The following XPO7 variants were observed in gnomAD, a reference collection of about 807,000 sequenced individuals.
XPO7 encodes the protein exportin-7.
XPO7 carries 21 observed loss-of-function variants against 144.3 expected under a neutral mutation model. The observed-to-expected ratio is 0.15, with a 90% CI of 0.10 to 0.21. XPO7 has a LOEUF of 0.21. Among genes scored for constraint, XPO7 ranks in the 10% least tolerant of loss-of-function variants. The pLI is 1.00. For synonymous variants in XPO7, 580 were observed against 499.6 expected, an observed-to-expected ratio of 1.16 and a Z score of -2.15; for missense variants, 808 against 1,325.8, an observed-to-expected ratio of 0.61 and a Z score of 6.06.
chr8:22,003,844 G>C (rs1813234801), intron 26 of XPO7, 59 bp from the exon 27 acceptor site: 18 of 1,606,252 alleles, frequency 1.1e-5, no homozygotes, highest in Non-Finnish European at 1.4e-5. Flanking sequence ...GCAGATGACG[G>C]AGGGCTAATC....
intron 1 of XPO7, among the ~76,000 whole-genome samples, chr8:21,934,066 T>C (rs1226206092): frequency 6.6e-6 from 1 of 152,222 alleles, no homozygotes; most frequent in Non-Finnish European, 1.5e-5. Flanking sequence ...GGGCAAATAC[T>C]GTGCTACATA....
intron 16 of XPO7, among the ~76,000 whole-genome samples, chr8:21,989,439 G>A (rs1812687389): frequency 2.0e-5 from 3 of 152,146 alleles, no homozygotes. Flanking sequence ...CAGCTGGTTG[G>A]TAGAAACATC....
At chr8:21,937,515 A>T (rs1386297969) in intron 1 of XPO7, among the ~76,000 whole-genome samples, 1 of 152,174 alleles carries the variant, frequency 6.6e-6, no homozygotes, top group Non-Finnish European at 1.5e-5. Flanking sequence ...GAAGTAGCTC[A>T]TGGCTGTTTC....
chr8:21,949,368 A>G (rs1291494496), intron 1 of XPO7, among the ~76,000 whole-genome samples: 3 of 152,172 alleles, frequency 2.0e-5, no homozygotes, highest in Non-Finnish European at 2.9e-5. Context: ...AGTTGCCCAT[A>G]TAGCTGCCCT....
At chr8:21,940,119 A>G (rs1810943900) in intron 1 of XPO7, among the ~76,000 whole-genome samples, 1 of 152,200 alleles carries the variant, frequency 6.6e-6, no homozygotes, top group African/African-American at 2.4e-5. Flanking sequence ...TTTGGCAGAG[A>G]GATTGATCAA....
chr8:21,932,507 C>G (rs1026458842), intron 1 of XPO7, among the ~76,000 whole-genome samples: 1 of 152,224 alleles, frequency 6.6e-6, no homozygotes, highest in South Asian at 2.1e-4. Flanking sequence ...ATCTTTCTTC[C>G]CTTTAATGTT....
chr8:21,933,343 G>T (rs1810718086), intron 1 of XPO7, among the ~76,000 whole-genome samples: 1 of 151,984 alleles, frequency 6.6e-6, no homozygotes, highest in African/African-American at 2.4e-5. Context: ...CTCGTGATCT[G>T]CCTGCCTCGG....
At chr8:21,933,050 T>G (rs1810705275) in intron 1 of XPO7, among the ~76,000 whole-genome samples, 2 of 152,148 alleles carry the variant, frequency 1.3e-5, no homozygotes, top group South Asian at 2.1e-4. Context: ...TATATCACAT[T>G]CTAAGGTTTT....
intron 10 of XPO7, 68 bp from the exon 11 acceptor site, chr8:21,982,572 G>C: frequency 6.8e-7 from 1 of 1,479,434 alleles, no homozygotes; most frequent in South Asian, 1.4e-5. Context: ...TATCTTCTGT[G>C]TCAGTGGCAT....
intron 1 of XPO7, among the ~76,000 whole-genome samples, chr8:21,951,259 G>C (rs570915159): frequency 6.6e-6 from 1 of 151,868 alleles, no homozygotes; most frequent in South Asian, 2.1e-4. Flanking sequence ...CTTTGGTTAA[G>C]TACGTCTTTT....
chr8:21,985,628 G>C lies in XPO7; in HGVS notation c.1514G>C (p.Gly505Ala). 1.2e-6 allele frequency: 2 copies of C among 1,613,916 alleles called. No individual in the cohort carries two copies. The highest frequency in any genetic ancestry group is 1.7e-6 in the Non-Finnish European group (2 of 1,179,894). The change falls in exon 13 of 28, where the codon GGT becomes GCT. Residue 505 changes from glycine (G) to alanine (A), a missense_variant. Coordinates refer to ENST00000252512, the MANE Select transcript of XPO7 (RefSeq NM_015024.5). The part of the protein sequence containing the change: ...WLVYIIGAVI[G>A]GRVSFASTDE... ...GTTTACATTATTGGAGCAGTGATCG[G>C]TGGCCGGGTTTCTTTTGCCAGCACT...
chr8:21,996,036 C>T (rs1008618678), intron 21 of XPO7, among the ~76,000 whole-genome samples: 3 of 152,138 alleles, frequency 2.0e-5, no homozygotes, highest in East Asian at 3.9e-4. Flanking sequence ...AGGATGGTCT[C>T]GATCTCCTGA....
chr8:21,935,022 A>C (rs1262770437), intron 1 of XPO7, among the ~76,000 whole-genome samples: 5 of 152,266 alleles, frequency 3.3e-5, no homozygotes, highest in Non-Finnish European at 7.3e-5. Context: ...GAATTAGGTC[A>C]TAAGAAATGA....
Position 21,939,522 on chromosome 8 carries a change from G to A in XPO7, c.18+19734G>A, listed in dbSNP as rs376665223. On this transcript the variant is annotated intron_variant, in intron 1 of 27. Coordinates refer to ENST00000252512, the MANE Select transcript of XPO7 (RefSeq NM_015024.5). The stretch of plus-strand genomic sequence containing the variant: ...AGGTGTGAGCCACCGCCCCAGGTCT[G>A]TTTTGGATTTTTAAAGTTGCTTTAG... Among the ~76,000 whole-genome samples, 29 of 152,266 alleles carry A rather than the reference G, an allele frequency of 1.9e-4. No homozygotes were observed. In the South Asian group the frequency reaches 5.8e-3, roughly 30 times the overall value.
chr8:21,990,366 G>C lies in XPO7; in HGVS notation c.1891G>C (p.Val631Leu). The change falls in exon 17 of 28, where the codon GTG becomes CTG. Residue 631 changes from valine to leucine, a missense_variant. Around this residue, in one of 5 missense-constraint regions of XPO7, gnomAD observed 416 missense variants for 612.5 expected, o/e 0.68. Coordinates refer to ENST00000252512, the MANE Select transcript of XPO7 (RefSeq NM_015024.5). ...CACGTACAGTAGCGTAAGGAAGCTA[G>C]TGAAGCTTAGTGCGGTACAGTTCAT... ...SIGYSSVRKL[V>L]KLSAVQFMLN... 1 of 1,613,808 alleles carries C rather than the reference G, an allele frequency of 6.2e-7. No individual in the cohort carries two copies. The highest frequency in any genetic ancestry group is 8.5e-7 in the Non-Finnish European group (1 of 1,179,736).
intron 1 of XPO7, among the ~76,000 whole-genome samples, chr8:21,924,909 C>G (rs1395810989): frequency 6.6e-6 from 1 of 152,194 alleles, no homozygotes; most frequent in African/African-American, 2.4e-5. Flanking sequence ...TAAGCATCTA[C>G]TAATATCCCA....
intron 1 of XPO7, among the ~76,000 whole-genome samples, chr8:21,925,584 T>C (rs918549510): frequency 1.3e-5 from 2 of 152,188 alleles, no homozygotes; most frequent in African/African-American, 4.8e-5. Context: ...TGGTTGGTCA[T>C]AGGGAAAGGG....
At chr8:21,968,255 G>GA (rs970849546) in intron 2 of XPO7, among the ~76,000 whole-genome samples, 3 of 152,106 alleles carry the variant, frequency 2.0e-5, no homozygotes, top group African/African-American at 7.2e-5. Flanking sequence ...AATGAAATGT[G>GA]AAAAAATGAA....
chr8:21,946,780 C>T (rs2117280111), intron 1 of XPO7, among the ~76,000 whole-genome samples: 1 of 151,622 alleles, frequency 6.6e-6, no homozygotes, highest in South Asian at 2.1e-4. Flanking sequence ...AAACTCATAC[C>T]TACACACTTT....
Sources: gnomAD v4.1 joint callset for allele counts (sites outside exome capture counted in the v4.1 genomes callset) on GRCh38, gnomAD v4.1.1 for gene constraint, gnomAD v4.1.1 regional missense constraint, MANE v1.5 for transcripts, NCBI Gene and HGNC (gene_info 2026-07-23, HGNC 2026-07-21) for gene names.